ADAMTS19: variants seen among roughly 807,000 people sequenced by gnomAD.
ADAMTS19 encodes A disintegrin and metalloproteinase with thrombospondin motifs 19.
In ADAMTS19, 93 loss-of-function variants were observed where a neutral mutation model predicts 153.3. The ratio of observed to expected loss-of-function variants is 0.61; its 90% CI spans 0.51 to 0.72. The LOEUF (loss-of-function observed/expected upper bound fraction) is 0.72, where lower values mean the gene tolerates loss of function less well. Among genes scored for constraint, ADAMTS19 ranks in the 30% least tolerant of loss-of-function variants. ADAMTS19 has a pLI of 0.00. For synonymous variants in ADAMTS19, 600 were observed against 556.6 expected (o/e 1.08, Z -1.10); for missense variants, 1,482 against 1,552.1 (o/e 0.95, Z 0.76).
At chr5:129,511,681 T>C (rs1395512031) in intron 3 of ADAMTS19, among the ~76,000 whole-genome samples, 1 of 151,248 alleles carries the variant, frequency 6.6e-6, no homozygotes, top group Non-Finnish European at 1.5e-5. Context: ...GTAAAACTTA[T>C]TAAGACTAGA....
At chr5:129,516,152 A>G (rs1315924791) in intron 3 of ADAMTS19, among the ~76,000 whole-genome samples, 1 of 151,894 alleles carries the variant, frequency 6.6e-6, no homozygotes, top group Non-Finnish European at 1.5e-5. Context: ...GTCATGATGA[A>G]TGAACTTTCT....
chr5:129,593,461 A>G (rs67862537), intron 7 of ADAMTS19, among the ~76,000 whole-genome samples: 9,092 of 152,160 alleles, frequency 0.06, 433 homozygotes, highest in African/African-American at 0.14. Context: ...AATCTTAAAT[A>G]CCTAAATCTC....
Position 129,737,087 on chromosome 5 carries a change from C to A in ADAMTS19, c.3511C>A (p.Leu1171Met). The A allele has an allele frequency of 6.3e-7, 1 of 1,598,344 alleles. No homozygotes were observed. Among genetic ancestry groups the A allele is most frequent in the Non-Finnish European group, 8.5e-7 (1 of 1,169,908 alleles). ...PRLAALTFKC[L>M]GDQWPVYCRV... ...CACAGCTGCTCTGACTTTCAAGTGCCTGGGAGATCAGTGGCCAGTGTACTG... is the reference window on the plus strand; with the variant it reads ...CACAGCTGCTCTGACTTTCAAGTGCATGGGAGATCAGTGGCCAGTGTACTG... Residue 1171 changes from leucine (L) to methionine (M), a missense_variant, in exon 23 of 23, where the codon CTG becomes ATG. Transcript: ENST00000274487.
rs143391361 is a variant in ADAMTS19 at position 129,512,983 on chromosome 5, T to C, written c.913+3741T>C. 5.3e-3 allele frequency among the ~76,000 whole-genome samples: 803 copies of C among 152,100 alleles called. 5 individuals carry two copies. The highest frequency in any genetic ancestry group is 0.01 in the Middle Eastern group (3 of 294). On this transcript the variant is annotated intron_variant, in intron 3 of 22. Coordinates refer to ENST00000274487, the MANE Select transcript of ADAMTS19 (RefSeq NM_133638.6). ...AGCCAATGTGGGTTCAGCTTTACATTGATTAATTCCAAAGTGTCTCCATTT... is the reference window on the plus strand; with the variant it reads ...AGCCAATGTGGGTTCAGCTTTACATCGATTAATTCCAAAGTGTCTCCATTT...
At chr5:129,727,472 A>G (rs1221978657) in intron 21 of ADAMTS19, among the ~76,000 whole-genome samples, 1 of 152,242 alleles carries the variant, frequency 6.6e-6, no homozygotes, top group Non-Finnish European at 1.5e-5. Flanking sequence ...AAGTAGGATA[A>G]TAGTCTAACA....
chr5:129,621,772 A>T (rs970623927), intron 9 of ADAMTS19, among the ~76,000 whole-genome samples: 2 of 152,066 alleles, frequency 1.3e-5, no homozygotes, highest in African/African-American at 4.8e-5. Flanking sequence ...TCAAGCACAA[A>T]TATATCTACA....
intron 21 of ADAMTS19, among the ~76,000 whole-genome samples, chr5:129,720,039 G>A (rs994695309): frequency 6.6e-6 from 1 of 151,576 alleles, no homozygotes; most frequent in Non-Finnish European, 1.5e-5. Flanking sequence ...CTTCATCTTA[G>A]AAATAAATAA....
chr5:129,536,787 C>T (rs1752448841), intron 6 of ADAMTS19, among the ~76,000 whole-genome samples: 2 of 152,006 alleles, frequency 1.3e-5, no homozygotes, highest in East Asian at 1.9e-4. Context: ...TGGAAATCAT[C>T]ATTCTCAGTA....
chr5:129,505,754 A>G (rs1751248669), intron 2 of ADAMTS19, among the ~76,000 whole-genome samples: 1 of 152,196 alleles, frequency 6.6e-6, no homozygotes, highest in Non-Finnish European at 1.5e-5. Flanking sequence ...TGACAAAAGA[A>G]CAGATGTCAT....
At chr5:129,684,021 A>G in intron 17 of ADAMTS19, 99 bp from the exon 18 acceptor site, 1 of 1,306,316 alleles carries the variant, frequency 7.7e-7, no homozygotes, top group East Asian at 2.3e-5. Flanking sequence ...TGCACACAAC[A>G]CAATGAGCAT....
chr5:129,568,591 T>G (rs1581095120), intron 7 of ADAMTS19, among the ~76,000 whole-genome samples: 4 of 152,202 alleles, frequency 2.6e-5, no homozygotes, highest in South Asian at 4.1e-4. Flanking sequence ...AAGCTGAGGC[T>G]GGTGGATCAC....
chr5:129,489,991 G>T (rs1352151148), intron 2 of ADAMTS19, among the ~76,000 whole-genome samples: 1 of 152,066 alleles, frequency 6.6e-6, no homozygotes, highest in East Asian at 1.9e-4. Context: ...CTACCTATTA[G>T]GTACTTTGGA....
At chr5:129,582,598 A>T (rs910806917) in intron 7 of ADAMTS19, among the ~76,000 whole-genome samples, 1 of 151,930 alleles carries the variant, frequency 6.6e-6, no homozygotes, top group Admixed American at 6.6e-5. Context: ...TTTGAGACGG[A>T]GTCTCACTCT....
At chr5:129,529,959 G>A (rs936391350) in intron 6 of ADAMTS19, among the ~76,000 whole-genome samples, 1 of 152,044 alleles carries the variant, frequency 6.6e-6, no homozygotes. Context: ...GACAGAGCTT[G>A]GAGGTTGAAT....
intron 2 of ADAMTS19, among the ~76,000 whole-genome samples, chr5:129,501,927 A>T (rs1288709275): frequency 6.6e-6 from 1 of 152,090 alleles, no homozygotes; most frequent in Admixed American, 6.6e-5. Context: ...AAACTTTGAG[A>T]GGTGGCACTA....
At chr5:129,537,067 T>TAA (rs200529582) in intron 6 of ADAMTS19, among the ~76,000 whole-genome samples, 1 of 150,576 alleles carries the variant, frequency 6.6e-6, no homozygotes, top group African/African-American at 2.4e-5. Flanking sequence ...AATAATAATT[T>TAA]AAAAAAAAGA....
intron 8 of ADAMTS19, among the ~76,000 whole-genome samples, chr5:129,597,212 GTAGT>G (rs1750421966): frequency 6.6e-6 from 1 of 152,114 alleles, no homozygotes; most frequent in African/African-American, 2.4e-5. Flanking sequence ...ACCCAAAGAG[GTAGT>G]TATTGTTCTA....
At chr5:129,468,138 G>T in intron 2 of ADAMTS19, among the ~76,000 whole-genome samples, 1 of 152,134 alleles carries the variant, frequency 6.6e-6, no homozygotes, top group Non-Finnish European at 1.5e-5. Context: ...GGATTCTGTA[G>T]AAAAGCTGTT....
At chr5:129,568,656 CAA>C (rs1231948083) in intron 7 of ADAMTS19, among the ~76,000 whole-genome samples, 1 of 151,610 alleles carries the variant, frequency 6.6e-6, no homozygotes, top group South Asian at 2.1e-4. Context: ...CTTGTTGCCA[CAA>C]AAAAAGTTTA....
Sources: gnomAD v4.1 joint callset for allele counts (sites outside exome capture counted in the v4.1 genomes callset) on GRCh38, gnomAD v4.1.1 for gene constraint, MANE v1.5 for transcripts, NCBI Gene and HGNC (gene_info 2026-07-23, HGNC 2026-07-21) for gene names.